The following L3MBTL4 variants were observed in gnomAD, a reference collection of about 807,000 sequenced individuals.
L3MBTL4 encodes L3MBTL histone methyl-lysine binding protein 4, also known as lethal(3)malignant brain tumor-like protein 4.
A neutral mutation model predicts 84.5 loss-of-function variants in L3MBTL4; 70 were observed. That is an observed-to-expected ratio of 0.83 (90% CI 0.68 to 1.01). The LOEUF (loss-of-function observed/expected upper bound fraction) is 1.01, where lower values mean the gene tolerates loss of function less well. L3MBTL4 is among the 50% of genes least tolerant of loss of function. The pLI is 0.00. For missense variants in L3MBTL4, 715 were observed against 754.8 expected, an observed-to-expected ratio of 0.95 and a Z score of 0.62; for synonymous variants, 274 against 259.8, an observed-to-expected ratio of 1.05 and a Z score of -0.52.
At chr18:6,180,136 T>A (rs2044402121) in intron 12 of L3MBTL4, among the ~76,000 whole-genome samples, 1 of 152,082 alleles carries the variant, frequency 6.6e-6, no homozygotes, top group East Asian at 1.9e-4. Context: ...AGGGATATAG[T>A]CCAGAGCTAC....
At chr18:5,972,407 G>C (rs1309975542) in intron 16 of L3MBTL4, among the ~76,000 whole-genome samples, 1 of 152,184 alleles carries the variant, frequency 6.6e-6, no homozygotes, top group Non-Finnish European at 1.5e-5. Context: ...GGAGGTGACA[G>C]TGTCTGTCAT....
Position 6,073,135 on chromosome 18 carries a change from T to A in L3MBTL4, c.1444+7746A>T, listed in dbSNP as rs1380119537. On this transcript the variant is annotated intron_variant, in intron 16 of 18. Coordinates refer to ENST00000317931, the MANE Select transcript of L3MBTL4 (RefSeq NM_001330559.2). ...AAAGATAAGTAAACCTTTAGCAGGATTAATTGAAACAGACAGAGGCAAAAA... is the reference window on the plus strand; with the variant it reads ...AAAGATAAGTAAACCTTTAGCAGGAATAATTGAAACAGACAGAGGCAAAAA... 4.0e-5 allele frequency among the ~76,000 whole-genome samples: 6 copies of A among 150,180 alleles called. No individual in the cohort carries two copies. In the East Asian group the frequency reaches 1.2e-3, roughly 30 times the overall value.
intron 16 of L3MBTL4, among the ~76,000 whole-genome samples, chr18:5,996,598 C>T (rs1223347487): frequency 2.0e-5 from 3 of 152,102 alleles, no homozygotes; most frequent in Non-Finnish European, 4.4e-5. Context: ...CATCATCATC[C>T]CTAACATGAA....
intron 14 of L3MBTL4, among the ~76,000 whole-genome samples, chr18:6,114,582 G>A (rs1028183360): frequency 4.6e-5 from 7 of 152,124 alleles, no homozygotes; most frequent in African/African-American, 1.7e-4. Context: ...TTCAACCAAT[G>A]TTTCCAGAAT....
At chr18:6,406,194 G>A (rs2055727827) in intron 1 of L3MBTL4, among the ~76,000 whole-genome samples, 2 of 152,200 alleles carry the variant, frequency 1.3e-5, no homozygotes, top group South Asian at 2.1e-4. Flanking sequence ...GGTGAGGAAG[G>A]CCAAGTCACA....
intron 16 of L3MBTL4, among the ~76,000 whole-genome samples, chr18:6,068,342 T>C (rs577450744): frequency 1.3e-5 from 2 of 152,164 alleles, no homozygotes; most frequent in African/African-American, 2.4e-5. Flanking sequence ...TGCATAGATA[T>C]ATCTAATGGT....
At chr18:6,394,550 C>T (rs566600840) in intron 1 of L3MBTL4, among the ~76,000 whole-genome samples, 1 of 152,100 alleles carries the variant, frequency 6.6e-6, no homozygotes, top group Non-Finnish European at 1.5e-5. Context: ...ACGGCCTCTC[C>T]CCCACCAGGA....
intron 10 of L3MBTL4, among the ~76,000 whole-genome samples, chr18:6,231,278 C>G (rs1206822663): frequency 6.6e-6 from 1 of 152,028 alleles, no homozygotes; most frequent in Non-Finnish European, 1.5e-5. Flanking sequence ...AGGGGTCCAG[C>G]TTCAATCTTC....
At chr18:6,214,062 G>A (rs566036232) in intron 11 of L3MBTL4, among the ~76,000 whole-genome samples, 68 of 152,290 alleles carry the variant, frequency 4.5e-4, no homozygotes, top group Non-Finnish European at 8.5e-4. Flanking sequence ...AATATGCTTA[G>A]ATAAAAGCTG....
At chr18:6,239,148 C>T (rs867321862) in intron 9 of L3MBTL4, among the ~76,000 whole-genome samples, 3 of 151,590 alleles carry the variant, frequency 2.0e-5, no homozygotes, top group Admixed American at 1.3e-4. Flanking sequence ...GAGACCATCC[C>T]GGCTAAAACG....
intron 1 of L3MBTL4, among the ~76,000 whole-genome samples, chr18:6,333,383 GC>G (rs2052146343): frequency 6.6e-6 from 1 of 152,062 alleles, no homozygotes; most frequent in Non-Finnish European, 1.5e-5. Flanking sequence ...GACCATCCTG[GC>G]CAACATGGTG....
chr18:6,381,072 T>C (rs1404571716), intron 1 of L3MBTL4, among the ~76,000 whole-genome samples: 2 of 152,244 alleles, frequency 1.3e-5, no homozygotes, highest in Admixed American at 6.5e-5. Flanking sequence ...CATTATGTAA[T>C]GGCCTTCTTT....
chr18:5,996,106 T>C (rs549177756), intron 16 of L3MBTL4, among the ~76,000 whole-genome samples: 1 of 152,372 alleles, frequency 6.6e-6, no homozygotes, highest in African/African-American at 2.4e-5. Context: ...TTTATAGCAT[T>C]CTAACTAGTG....
At chr18:6,257,615 C>CTTTTCTT (rs2048198035) in intron 5 of L3MBTL4, among the ~76,000 whole-genome samples, 2 of 142,380 alleles carry the variant, frequency 1.4e-5, no homozygotes, top group Non-Finnish European at 3.1e-5. Context: ...AGGAAATGTT[C>CTTTTCTT]TTTTCTTTTT....
At chr18:5,982,631 C>T (rs893475967) in intron 16 of L3MBTL4, among the ~76,000 whole-genome samples, 6 of 152,124 alleles carry the variant, frequency 3.9e-5, no homozygotes, top group Non-Finnish European at 5.9e-5. Context: ...CATTGAGAAA[C>T]GTGCTATAAA....
chr18:6,281,946 C>T (rs1282702573), intron 4 of L3MBTL4, among the ~76,000 whole-genome samples: 5 of 152,186 alleles, frequency 3.3e-5, no homozygotes, highest in African/African-American at 1.2e-4. Flanking sequence ...TCCATTATCA[C>T]CCGGACAGAT....
intron 5 of L3MBTL4, chr18:6,259,563 T>C (rs1231997032): frequency 6.6e-6 from 1 of 152,152 alleles, no homozygotes; most frequent in East Asian, 1.9e-4. Flanking sequence ...TATTTTTTAC[T>C]TTTTCTTCTT....
At chr18:6,092,956 AAG>A (rs2058509397) in intron 15 of L3MBTL4, among the ~76,000 whole-genome samples, 1 of 152,226 alleles carries the variant, frequency 6.6e-6, no homozygotes, top group African/African-American at 2.4e-5. Context: ...AGTAAGAGAT[AAG>A]AGACGAAATC....
intron 16 of L3MBTL4, among the ~76,000 whole-genome samples, chr18:5,971,651 C>A (rs368469614): frequency 2.0e-5 from 3 of 152,110 alleles, no homozygotes; most frequent in Non-Finnish European, 4.4e-5. Flanking sequence ...ACACAAAAAC[C>A]GGAAAGCTGT....
Sources: allele counts gnomAD v4.1 joint callset (sites outside exome capture counted in the v4.1 genomes callset), GRCh38; gene constraint gnomAD v4.1.1; transcripts MANE v1.5; gene names NCBI Gene and HGNC (gene_info 2026-07-23, HGNC 2026-07-21).